SLIT3: variants seen among roughly 807,000 people sequenced by gnomAD.
The protein encoded by SLIT3 is slit homolog 3 protein.
SLIT3 carries 68 observed loss-of-function variants against 184.0 expected under a neutral mutation model. That is an observed-to-expected ratio of 0.37 (90% CI 0.30 to 0.45). The LOEUF (loss-of-function observed/expected upper bound fraction) is 0.45. SLIT3 is among the 20% of genes least tolerant of loss of function. The probability of loss-of-function intolerance (pLI) is 1.00; values close to 1 mark genes in which losing one functional copy is unlikely to be tolerated. For missense variants in SLIT3, 1,707 were observed against 2,026.0 expected (o/e 0.84, Z 3.02); for synonymous variants, 831 against 828.6 (o/e 1.00, Z -0.05).
chr5:169,025,014 T>C (rs994675898), intron 4 of SLIT3: 1 of 152,134 alleles, frequency 6.6e-6, no homozygotes, highest in Non-Finnish European at 1.5e-5. Context: ...TTGGGGCTAG[T>C]AATTTTTCAG....
intron 4 of SLIT3, among the ~76,000 whole-genome samples, chr5:168,913,540 G>A (rs1761325757): frequency 1.3e-5 from 2 of 152,256 alleles, no homozygotes; most frequent in Non-Finnish European, 2.9e-5. Context: ...GGCCGAGGCA[G>A]GTGGATCACG....
At chr5:169,199,711 G>C (rs1763854154) in intron 3 of SLIT3, among the ~76,000 whole-genome samples, 1 of 152,164 alleles carries the variant, frequency 6.6e-6, no homozygotes, top group African/African-American at 2.4e-5. Flanking sequence ...CGTGATAGTT[G>C]GTGGGACTTG....
chr5:168,998,739 A>AGAAC (rs1440364446), intron 4 of SLIT3, among the ~76,000 whole-genome samples: 10 of 150,164 alleles, frequency 6.7e-5, no homozygotes, highest in African/African-American at 1.5e-4. Context: ...AAAACAAAAC[A>AGAAC]AAAGGCCATT....
intron 22 of SLIT3, among the ~76,000 whole-genome samples, chr5:168,722,729 C>T (rs1581005620): frequency 1.3e-5 from 2 of 152,338 alleles, no homozygotes; most frequent in Admixed American, 1.3e-4. Context: ...CGACGAGGTT[C>T]TAGTTCCTCT....
At chr5:168,980,142 C>A (rs562419185) in intron 4 of SLIT3, among the ~76,000 whole-genome samples, 1 of 152,198 alleles carries the variant, frequency 6.6e-6, no homozygotes, top group African/African-American at 2.4e-5. Context: ...ATCTAGTAAC[C>A]ATTTGTTTGT....
At chr5:168,812,904 G>T (rs576156757) in intron 8 of SLIT3, among the ~76,000 whole-genome samples, 12 of 151,566 alleles carry the variant, frequency 7.9e-5, no homozygotes, top group African/African-American at 2.9e-4. Flanking sequence ...AAAAAAAGAC[G>T]ATGAAAAGGG....
chr5:169,202,721 G>C (rs909982811), intron 3 of SLIT3, among the ~76,000 whole-genome samples: 1 of 152,050 alleles, frequency 6.6e-6, no homozygotes, highest in Non-Finnish European at 1.5e-5. Flanking sequence ...TGGGAGCTTG[G>C]TCAGGATCAC....
At chr5:169,060,548 G>T (rs969156709) in intron 4 of SLIT3, among the ~76,000 whole-genome samples, 1 of 152,182 alleles carries the variant, frequency 6.6e-6, no homozygotes, top group Non-Finnish European at 1.5e-5. Context: ...TTCTAATCTT[G>T]TGTATTGCTT....
chr5:168,670,123 G>C, intron 34 of SLIT3, 132 bp from the exon 35 acceptor site: 1 of 721,570 alleles, frequency 1.4e-6, no homozygotes, highest in Non-Finnish European at 2.3e-6. Flanking sequence ...CTGTTTCCTA[G>C]GCTGAGCATC....
At chr5:169,188,467 T>C (rs567929022) in intron 4 of SLIT3, among the ~76,000 whole-genome samples, 2 of 152,276 alleles carry the variant, frequency 1.3e-5, no homozygotes, top group South Asian at 2.1e-4. Flanking sequence ...CTGTCCTCTC[T>C]AGATGAAGCC....
chr5:168,770,105 A>C lies in SLIT3; in HGVS notation c.1459+2676T>G, dbSNP rs10155543. ...CTGCAACTGCCAAGTGCTCCCAGGG[A>C]TGGGCTTGGGGTCCCAGGCAGCCAG... is the stretch of plus-strand genomic sequence containing the variant. On this transcript the variant is annotated intron_variant, in intron 14 of 35. Coordinates refer to ENST00000519560, the MANE Select transcript of SLIT3 (RefSeq NM_003062.4). 1.9e-3 allele frequency among the ~76,000 whole-genome samples: 289 copies of C among 152,308 alleles called. 2 individuals are homozygous for C. The highest frequency in any genetic ancestry group is 6.7e-3 in the African/African-American group (279 of 41,566).
At chr5:168,978,817 C>T (rs1210163853) in intron 4 of SLIT3, among the ~76,000 whole-genome samples, 3 of 151,888 alleles carry the variant, frequency 2.0e-5, no homozygotes, top group Non-Finnish European at 4.4e-5. Context: ...TAACTGTCTT[C>T]CGAAATTGCT....
chr5:168,849,430 T>C (rs1758595869), intron 5 of SLIT3, among the ~76,000 whole-genome samples: 1 of 152,246 alleles, frequency 6.6e-6, no homozygotes, highest in Non-Finnish European at 1.5e-5. Context: ...AATTTGCTAA[T>C]TTCTGAATAA....
intron 18 of SLIT3, among the ~76,000 whole-genome samples, chr5:168,751,221 C>T (rs1339682717): frequency 6.6e-6 from 1 of 152,186 alleles, no homozygotes; most frequent in African/African-American, 2.4e-5. Context: ...AGGCCCTCCT[C>T]TAACTTCGGC....
chr5:169,184,974 T>C (rs1763286078), intron 4 of SLIT3, among the ~76,000 whole-genome samples: 1 of 152,222 alleles, frequency 6.6e-6, no homozygotes, highest in African/African-American at 2.4e-5. Flanking sequence ...AATGTTGGCT[T>C]TGTTATCAAC....
chr5:169,034,486 A>G (rs546745888), intron 4 of SLIT3, among the ~76,000 whole-genome samples: 2 of 152,200 alleles, frequency 1.3e-5, no homozygotes, highest in Non-Finnish European at 2.9e-5. Context: ...CAGTTTTCTC[A>G]GCACCATTTA....
intron 4 of SLIT3, among the ~76,000 whole-genome samples, chr5:168,914,644 G>A (rs920170030): frequency 3.9e-5 from 6 of 152,132 alleles, no homozygotes; most frequent in East Asian, 3.8e-4. Context: ...TCTCTTTTCT[G>A]TACTATACTT....
chr5:169,096,943 G>A (rs1046151882), intron 4 of SLIT3, among the ~76,000 whole-genome samples: 1 of 152,170 alleles, frequency 6.6e-6, no homozygotes, highest in African/African-American at 2.4e-5. Context: ...GGGAGAAGAG[G>A]TAGAGTGCAG....
intron 1 of SLIT3, among the ~76,000 whole-genome samples, chr5:169,291,617 C>T (rs1443884793): frequency 6.6e-6 from 1 of 152,198 alleles, no homozygotes; most frequent in African/African-American, 2.4e-5. Context: ...TCTGTTTCAC[C>T]AGGTGTCCAG....
Sources: allele counts gnomAD v4.1 joint callset (sites outside exome capture counted in the v4.1 genomes callset), GRCh38; gene constraint gnomAD v4.1.1; transcripts MANE v1.5; gene names NCBI Gene and HGNC (gene_info 2026-07-23, HGNC 2026-07-21).